Variants in FCMR observed in about 807,000 individuals in gnomAD.
FCMR encodes immunoglobulin mu Fc receptor.
In FCMR, 34 loss-of-function variants were observed where a neutral mutation model predicts 41.6. The ratio of observed to expected loss-of-function variants is 0.82; its 90% confidence interval spans 0.62 to 1.09. The LOEUF (loss-of-function observed/expected upper bound fraction) is 1.09. FCMR is among the 50% of genes least tolerant of loss of function. The pLI is 0.00. For missense variants in FCMR, 496 were observed against 512.5 expected (o/e 0.97, Z 0.31); for synonymous variants, 209 against 211.8 (o/e 0.99, Z 0.12).
intron 7 of FCMR, among the ~76,000 whole-genome samples, chr1:206,906,826 A>G (rs2102541834): frequency 6.6e-6 from 1 of 152,054 alleles, no homozygotes; most frequent in Non-Finnish European, 1.5e-5. Flanking sequence ...GTAGACAGAC[A>G]GTGTGGCGCC....
At chr1:206,906,097 A>G (rs1678633186) in intron 7 of FCMR, 1 of 421,220 alleles carries the variant, frequency 2.4e-6, no homozygotes, top group Non-Finnish European at 4.8e-6. Flanking sequence ...GACAGCTAAT[A>G]AGCACATGTT....
At chr1:206,914,337 C>G (rs373390262) in intron 1 of FCMR, among the ~76,000 whole-genome samples, 1 of 56,326 alleles carries the variant, frequency 1.8e-5, no homozygotes, top group Non-Finnish European at 3.3e-5. Flanking sequence ...TTCCTTCCTT[C>G]CTTCCTTCCT....
At chr1:206,905,191 T>C in intron 7 of FCMR, 44 bp from the exon 8 acceptor site, 1 of 1,610,406 alleles carries the variant, frequency 6.2e-7, no homozygotes, top group Non-Finnish European at 8.5e-7. Context: ...GGTAGGGTGA[T>C]TTTAATATCT....
At chr1:206,910,091 C>G (rs1454667278) in intron 5 of FCMR, 119 bp downstream of exon 5, 2 of 1,271,310 alleles carry the variant, frequency 1.6e-6, no homozygotes, top group Non-Finnish European at 2.1e-6. Flanking sequence ...CCTAACTTCC[C>G]TACACCCCAG....
chr1:206,907,620 TG>T (rs1678724347), intron 7 of FCMR: 1 of 740,804 alleles, frequency 1.3e-6, no homozygotes, highest in East Asian at 2.6e-5. Context: ...CTGCCGAAGA[TG>T]GCGGGGGTGC....
In FCMR at chr1:206,913,007, C is replaced by G. The variant is rs758215939; in HGVS notation, c.409G>C (p.Glu137Gln). 7 of 1,613,774 alleles carry G rather than the reference C, an allele frequency of 4.3e-6. No homozygotes were observed. The highest frequency in any genetic ancestry group is 5.9e-6 in the Non-Finnish European group (7 of 1,179,662). The change falls in exon 3 of 8, where the codon GAG becomes CAG. Residue 137 changes from glutamate to glutamine, a missense_variant. Glu to Gln is a conservative substitution (Grantham distance 29). Coordinates refer to ENST00000367091, the MANE Select transcript of FCMR (RefSeq NM_005449.5). ...EPSWEEQPMP[E>Q]TPKWFHLPYL... is the part of the protein sequence containing the mutation. The stretch of plus-strand genomic sequence containing the variant: ...GGCAGATGAAACCATTTTGGAGTCT[C>G]AGGCATTGGCTGCTCTTCCCATGAT...
chr1:206,907,056 TG>T (rs1357467128), intron 7 of FCMR, among the ~76,000 whole-genome samples: 2 of 90,066 alleles, frequency 2.2e-5, no homozygotes, highest in East Asian at 7.8e-4. Flanking sequence ...CTAGCGGGGG[TG>T]GGGAAGGGCA....
intron 4 of FCMR, among the ~76,000 whole-genome samples, chr1:206,911,048 A>C (rs1168227040): frequency 1.3e-5 from 2 of 152,106 alleles, no homozygotes; most frequent in African/African-American, 2.4e-5. Flanking sequence ...AGAGAATAAG[A>C]AAATGCTGGT....
intron 1 of FCMR, among the ~76,000 whole-genome samples, chr1:206,920,225 C>G (rs151234890): frequency 1.3e-5 from 2 of 151,942 alleles, no homozygotes; most frequent in African/African-American, 4.8e-5. Context: ...GAGGCCGAGG[C>G]GGGTGGATCA....
chr1:206,920,386 C>T (rs1451403707), intron 1 of FCMR, among the ~76,000 whole-genome samples: 3 of 144,910 alleles, frequency 2.1e-5, no homozygotes, highest in Non-Finnish European at 3.0e-5. Flanking sequence ...ACCCAGGAGG[C>T]GGAGGTTGCA....
At chr1:206,921,702 G>T in intron 1 of FCMR, 116 bp downstream of exon 1, 1 of 971,094 alleles carries the variant, frequency 1.0e-6, no homozygotes, top group Non-Finnish European at 1.6e-6. Context: ...CCTAGGTGTT[G>T]GTTCACAACT....
intron 1 of FCMR, among the ~76,000 whole-genome samples, chr1:206,919,381 A>T (rs1679337859): frequency 6.6e-6 from 1 of 152,174 alleles, no homozygotes; most frequent in Admixed American, 6.5e-5. Context: ...TGATCATTTG[A>T]GTCCAGGAGT....
At chr1:206,915,887 G>A (rs1679171871) in intron 1 of FCMR, among the ~76,000 whole-genome samples, 1 of 151,656 alleles carries the variant, frequency 6.6e-6, no homozygotes, top group African/African-American at 2.4e-5. Context: ...TATAGCTTAG[G>A]AAAGAGGTGG....
chr1:206,916,649 C>T (rs1679205345), intron 1 of FCMR, among the ~76,000 whole-genome samples: 1 of 152,230 alleles, frequency 6.6e-6, no homozygotes. Context: ...GAAACTAGTT[C>T]TCCTCAAGTT....
chr1:206,917,378 G>A (rs539631318), intron 1 of FCMR, among the ~76,000 whole-genome samples: 19 of 152,114 alleles, frequency 1.2e-4, no homozygotes, highest in South Asian at 1.0e-3. Flanking sequence ...GAAACATCCC[G>A]CTCAGCTTCT....
intron 7 of FCMR, chr1:206,905,988 GA>G: frequency 5.5e-6 from 1 of 180,836 alleles, no homozygotes; most frequent in Non-Finnish European, 1.3e-5. Context: ...AGGTTGAAAA[GA>G]AAAGTAACAG....
intron 2 of FCMR, 114 bp downstream of exon 2, chr1:206,913,645 A>T (rs1679039611): frequency 2.5e-6 from 2 of 787,880 alleles, no homozygotes; most frequent in South Asian, 3.3e-5. Context: ...TATGTGGCTT[A>T]TATGGCAACA....
chr1:206,910,178 T>C (rs371926964), intron 5 of FCMR, 32 bp downstream of exon 5: 7 of 1,561,452 alleles, frequency 4.5e-6, no homozygotes, highest in Non-Finnish European at 6.0e-6. Flanking sequence ...TTTGGGCAGC[T>C]CAGCTCTCCC....
At position 206,906,825 on chromosome 1, in the gene FCMR, C is replaced by G. The variant is rs921349337; in HGVS notation, c.1045-1678G>C. Among the ~76,000 whole-genome samples, 10 of 151,900 alleles carry G rather than the reference C, an allele frequency of 6.6e-5. 1 individual carries two copies. Among genetic ancestry groups the G allele is most frequent in the Non-Finnish European group, 1.2e-4 (8 of 67,990 alleles). On this transcript the variant is annotated intron_variant, in intron 7 of 7. Transcript: ENST00000367091. ...CTGCTGGAAAGACGGAGTAGACAGA[C>G]AGTGTGGCGCCTGTTGTCCCTCCTG... is the stretch of plus-strand genomic sequence containing the variant.
Sources: allele counts gnomAD v4.1 joint callset (sites outside exome capture counted in the v4.1 genomes callset), GRCh38; gene constraint gnomAD v4.1.1; transcripts MANE v1.5; gene names NCBI Gene and HGNC (gene_info 2026-07-23, HGNC 2026-07-21).